STAU1: variants seen among roughly 807,000 people sequenced by gnomAD.
The protein encoded by STAU1 is double-stranded RNA-binding protein Staufen homolog 1.
Under a neutral mutation model 62.9 loss-of-function variants are expected in STAU1, and 13 were observed. The ratio of observed to expected loss-of-function variants is 0.21; its 90% CI spans 0.13 to 0.33. The LOEUF (loss-of-function observed/expected upper bound fraction) is 0.33. Among genes scored for constraint, STAU1 ranks in the 10% least tolerant of loss-of-function variants. STAU1 has a pLI of 1.00. For synonymous variants in STAU1, 269 were observed against 265.1 expected (o/e 1.01, Z -0.14); for missense variants, 571 against 712.1 (o/e 0.80, Z 2.25).
At chr20:49,148,080 C>G (rs1046671067) in intron 5 of STAU1, among the ~76,000 whole-genome samples, 7 of 152,174 alleles carry the variant, frequency 4.6e-5, no homozygotes, top group Non-Finnish European at 8.8e-5. Flanking sequence ...AACTGTCTCT[C>G]TTTATTCCCC....
chr20:49,115,687 T>C lies in STAU1; in HGVS notation c.1718+95A>G, dbSNP rs571560693. The C allele has an allele frequency of 4.5e-6, 5 of 1,109,216 alleles. No homozygotes were observed. The South Asian group carries it at 5.2e-5, about 11-fold the overall frequency. The allele number at this position is 1,109,216 out of a possible 1,614,324, so 68.7% of individuals were successfully genotyped here. On this transcript the variant is annotated intron_variant, in intron 13 of 13. Coordinates refer to ENST00000371856, the MANE Select transcript of STAU1 (RefSeq NM_017453.4). The stretch of plus-strand genomic sequence containing the variant: ...AGGGCCAGAAAGTAACTCAGGCAAA[T>C]ATTTCCCCGCTGAGTCAGCAGATAG...
rs1288225045 is a variant in STAU1, at chr20:49,117,110, C to T, written c.1632+16G>A. Reference sequence around the variant, plus strand: ...AACACACAACACCCCAATCCCTCACCCAAGGTGTGACGTACCATATCATGG... The same window carrying T: ...AACACACAACACCCCAATCCCTCACTCAAGGTGTGACGTACCATATCATGG... On this transcript the variant is annotated intron_variant, in intron 12 of 13. Transcript: ENST00000371856. This position sits in a 1 kb window ranked among gnomAD's most constrained non-coding sequence, Gnocchi z 4.6. 2 of 1,613,734 alleles carry T rather than the reference C, an allele frequency of 1.2e-6. No homozygotes were observed. Among genetic ancestry groups the T allele is most frequent in the Non-Finnish European group, 8.5e-7 (1 of 1,179,782 alleles).
chr20:49,192,658 G>A (rs1354664639), upstream of STAU1, among the ~76,000 whole-genome samples: 21 of 151,934 alleles, frequency 1.4e-4, no homozygotes, highest in Admixed American at 1.3e-3. Flanking sequence ...ATAATTAGCC[G>A]GGTGTGGTGG....
intron 3 of STAU1, among the ~76,000 whole-genome samples, chr20:49,157,191 C>A (rs569274411): frequency 2.6e-5 from 4 of 151,990 alleles, no homozygotes; most frequent in Non-Finnish European, 4.4e-5. Context: ...AATTCTCTTC[C>A]AATTACTTCT....
intron 9 of STAU1, among the ~76,000 whole-genome samples, chr20:49,119,225 G>A (rs967296774): frequency 6.6e-6 from 1 of 152,042 alleles, no homozygotes; most frequent in Non-Finnish European, 1.5e-5. Flanking sequence ...AGGGTCTGTC[G>A]CCCAGGCTGA....
chr20:49,146,770 C>G (rs2093140314), intron 5 of STAU1, among the ~76,000 whole-genome samples: 2 of 151,986 alleles, frequency 1.3e-5, no homozygotes, highest in South Asian at 2.1e-4. Context: ...CAGGATCACA[C>G]TGTATGCACA....
chr20:49,143,207 T>A (rs2093048581), intron 5 of STAU1, among the ~76,000 whole-genome samples: 1 of 152,116 alleles, frequency 6.6e-6, no homozygotes, highest in Non-Finnish European at 1.5e-5. Context: ...ATGAGGAAGG[T>A]TTAGTGGGCA....
rs565553353 is a variant in STAU1, at chr20:49,163,003, C to A, written c.205+2994G>T. On this transcript the variant is annotated intron_variant, in intron 3 of 13. Coordinates refer to ENST00000371856, the MANE Select transcript of STAU1 (RefSeq NM_017453.4). ...GGTCAAGAGATTGAAACCATCCTGG[C>A]CAACATGGTGAAACCCCATCTCTAC... Among the ~76,000 whole-genome samples the A allele has an allele frequency of 1.2e-4, 18 of 151,806 alleles. No individual in the cohort carries two copies. In the South Asian group the frequency reaches 2.3e-3, roughly 19 times the overall value.
In STAU1 at chr20:49,135,897, T is replaced by G. The variant is rs776310026; in HGVS notation, c.545A>C (p.Asn182Thr). The G allele has an allele frequency of 6.2e-7, 1 of 1,614,006 alleles. No homozygotes were observed. Among genetic ancestry groups the G allele is most frequent in the South Asian group, 1.1e-5 (1 of 90,998 alleles). The change falls in exon 6 of 14, where the codon AAT becomes ACT. Residue 182 changes from asparagine (N) to threonine (T), a missense_variant. Around this residue, in one of 3 missense-constraint regions of STAU1, gnomAD observed 414 missense variants for 499.6 expected, o/e 0.83. Transcript: ENST00000371856. ...NGRESEEENLNKSEISQVFEI... is the reference protein window; with the variant it reads ...NGRESEEENLTKSEISQVFEI... ...AAACACTTGACTTATTTCAGATTTA[T>G]TGAGATTTTCTTCTTCGGATTCTCT...
intron 5 of STAU1, among the ~76,000 whole-genome samples, chr20:49,148,209 C>T (rs912967319): frequency 1.3e-5 from 2 of 152,134 alleles, no homozygotes; most frequent in Non-Finnish European, 2.9e-5. Context: ...ACCTAAAATG[C>T]TCCAAAAATC....
intron 4 of STAU1, among the ~76,000 whole-genome samples, chr20:49,153,184 A>T (rs2093287097): frequency 6.8e-6 from 1 of 146,258 alleles, no homozygotes; most frequent in African/African-American, 2.5e-5. Context: ...CGGGAGGCAG[A>T]GCTTGCAGTG....
At chr20:49,170,389 C>T (rs1299239768) in intron 2 of STAU1, among the ~76,000 whole-genome samples, 1 of 152,138 alleles carries the variant, frequency 6.6e-6, no homozygotes, top group African/African-American at 2.4e-5. Context: ...CTCACTCTGT[C>T]GTCCAGGTTG....
At chr20:49,168,333 A>G (rs146614950) in intron 2 of STAU1, among the ~76,000 whole-genome samples, 1,801 of 152,216 alleles carry the variant, frequency 0.012, 42 homozygotes, top group African/African-American at 0.04. Flanking sequence ...TGCCCACTTC[A>G]GCCTCCCAAA....
intron 1 of STAU1, among the ~76,000 whole-genome samples, chr20:49,181,714 C>T (rs1480219211): frequency 2.2e-5 from 3 of 133,856 alleles, no homozygotes; most frequent in African/African-American, 8.7e-5. Flanking sequence ...TGCAGTGAGC[C>T]GAGATGATAC....
Position 49,135,907 on chromosome 20 carries a change from C to T in STAU1, c.535G>A (p.Glu179Lys). Reference protein sequence around the residue: ...LEVNGRESEEENLNKSEISQV... With the variant: ...LEVNGRESEEKNLNKSEISQV... ...CTTATTTCAGATTTATTGAGATTTT[C>T]TTCTTCGGATTCTCTTCCATTCACC... is the stretch of plus-strand genomic sequence containing the variant. Residue 179 changes from glutamate (E) to lysine (K), a missense_variant, in exon 6 of 14, where the codon GAA becomes AAA. Around this residue, in one of 3 missense-constraint regions of STAU1, gnomAD observed 414 missense variants for 499.6 expected, o/e 0.83. Coordinates refer to ENST00000371856, the MANE Select transcript of STAU1 (RefSeq NM_017453.4). 2 of 1,613,774 alleles carry T rather than the reference C, an allele frequency of 1.2e-6. No individual in the cohort carries two copies.
chr20:49,123,323 G>T, intron 7 of STAU1, 88 bp from the exon 8 acceptor site: 1 of 1,583,986 alleles, frequency 6.3e-7, no homozygotes, highest in Non-Finnish European at 8.7e-7. Flanking sequence ...GAGGAGATAA[G>T]AGATTTTGGG....
At chr20:49,188,452 C>T (rs558581257), upstream of STAU1, 4 of 152,042 alleles carry the variant, frequency 2.6e-5, no homozygotes, top group Admixed American at 1.3e-4. Context: ...CGGTCCGAAC[C>T]ACAAGTTCCG....
At chr20:49,199,309 C>G in the STAU1 span, among the ~76,000 whole-genome samples, 2 of 151,322 alleles carry the variant, frequency 1.3e-5, no homozygotes, top group Non-Finnish European at 2.9e-5. Context: ...CGGCTCACTG[C>G]AACCTCCACC....
chr20:49,183,089 G>C (rs2093746388), intron 1 of STAU1, among the ~76,000 whole-genome samples: 1 of 152,164 alleles, frequency 6.6e-6, no homozygotes, highest in South Asian at 2.1e-4. Flanking sequence ...TGACTCTGGT[G>C]AAGTTTTATT....
Sources: gnomAD v4.1 joint callset for allele counts (sites outside exome capture counted in the v4.1 genomes callset) on GRCh38, gnomAD v4.1.1 for gene constraint, gnomAD v4.1.1 regional missense constraint, Gnocchi (gnomAD v3.1) non-coding constraint, MANE v1.5 for transcripts, NCBI Gene and HGNC (gene_info 2026-07-23, HGNC 2026-07-21) for gene names.